Variants in MICALL1 observed in about 807,000 individuals in gnomAD.
MICALL1 encodes the protein MICAL like 1, also known as MICAL-like protein 1.
A neutral mutation model predicts 83.7 loss-of-function variants in MICALL1; 61 were observed. The observed-to-expected ratio is 0.73, with a 90% confidence interval of 0.59 to 0.90. The LOEUF (loss-of-function observed/expected upper bound fraction) is 0.90. Among genes scored for constraint, MICALL1 ranks in the 40% least tolerant of loss-of-function variants. The pLI is 0.00. For missense variants in MICALL1, 1,066 were observed against 1,152.0 expected, an observed-to-expected ratio of 0.93 and a Z score of 1.08; for synonymous variants, 481 against 473.6, an observed-to-expected ratio of 1.02 and a Z score of -0.20.
chr22:37,931,684 G>A, intron 9 of MICALL1, 115 bp from the exon 10 acceptor site: 1 of 1,234,668 alleles, frequency 8.1e-7, no homozygotes, highest in Non-Finnish European at 1.1e-6. Flanking sequence ...TCTTTGCCTG[G>A]GTCCTGCTGG....
intron 13 of MICALL1, among the ~76,000 whole-genome samples, chr22:37,936,109 G>A (rs899892388): frequency 2.0e-5 from 3 of 152,184 alleles, no homozygotes; most frequent in Non-Finnish European, 4.4e-5. Context: ...CTCATCCCTG[G>A]AGCCTGCAGG....
intron 13 of MICALL1, among the ~76,000 whole-genome samples, chr22:37,933,362 G>C (rs1477987015): frequency 6.6e-6 from 1 of 152,142 alleles, no homozygotes; most frequent in East Asian, 1.9e-4. Flanking sequence ...GGACGTCCGA[G>C]GGACCAGGGA....
In MICALL1 at chr22:37,926,044, G is replaced by T; in HGVS notation, c.1465+1G>T. ...CGCGCACCCAGCGCGTCCCCACTGG[G>T]TGAGTGCCTTTCCTGGAGCTCTCCT... On this transcript the variant is annotated splice_donor_variant, in intron 8 of 15. Coordinates refer to ENST00000215957, the MANE Select transcript of MICALL1 (RefSeq NM_033386.4). LOFTEE classifies it high-confidence loss of function. 1.9e-6 allele frequency: 3 copies of T among 1,587,624 alleles called. No individual in the cohort carries two copies. Among genetic ancestry groups the T allele is most frequent in the Non-Finnish European group, 2.6e-6 (3 of 1,164,610 alleles).
At chr22:37,910,515 G>A (rs1203482039) in intron 1 of MICALL1, among the ~76,000 whole-genome samples, 2 of 152,142 alleles carry the variant, frequency 1.3e-5, no homozygotes, top group African/African-American at 2.4e-5. Context: ...TGCTAAGGTC[G>A]CACTCTGAGG....
chr22:37,940,575 A>T, intron 15 of MICALL1, 134 bp from the exon 16 acceptor site: 1 of 1,073,496 alleles, frequency 9.3e-7, no homozygotes, highest in Admixed American at 2.4e-5. Context: ...TGTCCCTCCC[A>T]GGCTCCACAC....
chr22:37,923,944 G>A (rs970817973), intron 6 of MICALL1, among the ~76,000 whole-genome samples: 1 of 152,134 alleles, frequency 6.6e-6, no homozygotes, highest in East Asian at 1.9e-4. Context: ...CATTCTGTGG[G>A]TGCATTCTCC....
intron 9 of MICALL1, among the ~76,000 whole-genome samples, chr22:37,929,735 G>T (rs1045099139): frequency 3.3e-5 from 5 of 152,350 alleles, no homozygotes; most frequent in Middle Eastern, 3.4e-3. Context: ...GTTCATGAGG[G>T]CCCTGTCTTG....
In MICALL1 at chr22:37,932,027, G is replaced by T. The variant is rs1929818568; in HGVS notation, c.2016+94G>T. The T allele has an allele frequency of 2.0e-6, 3 of 1,522,514 alleles. No individual in the cohort carries two copies. Among genetic ancestry groups the T allele is most frequent in the Non-Finnish European group, 1.8e-6 (2 of 1,138,792 alleles). The allele number at this position is 1,522,514 out of a possible 1,614,324, so 94.3% of individuals were successfully genotyped here. ...TTCCCCTGGGACTCTAAGGAGGCTG[G>T]CTGGCTAGGCAGTGGGCCTCAGATG... On this transcript the variant is annotated intron_variant, in intron 10 of 15. Transcript: ENST00000215957. This position sits in a 1 kb window ranked among gnomAD's most constrained non-coding sequence, Gnocchi z 4.4.
chr22:37,906,602 G>A lies in MICALL1; in HGVS notation c.146+34G>A, dbSNP rs768396281. ...GGGGCCCCGGGCGAGCGGGCGGCGC[G>A]GGGCGGGCTGGGGCCGCGACCGCCG... On this transcript the variant is annotated intron_variant, in intron 1 of 15. Coordinates refer to ENST00000215957, the MANE Select transcript of MICALL1 (RefSeq NM_033386.4). This position sits in a 1 kb window ranked among gnomAD's most constrained non-coding sequence, Gnocchi z 4.4. The A allele has an allele frequency of 1.9e-4, 214 of 1,152,670 alleles. No individual in the cohort carries two copies. The African/African-American group carries it at 3.0e-3, about 16-fold the overall frequency. 71.4% of individuals were successfully genotyped at this position (1,152,670 alleles called of 1,614,324 possible).
At chr22:37,915,400 G>A (rs1353934174) in intron 3 of MICALL1, among the ~76,000 whole-genome samples, 2 of 152,130 alleles carry the variant, frequency 1.3e-5, no homozygotes, top group Non-Finnish European at 2.9e-5. Flanking sequence ...AAAACAAAAT[G>A]AAAGTATTTC....
At position 37,930,602 on chromosome 22, in the gene MICALL1, G is replaced by A. The variant is rs571628560; in HGVS notation, c.1882-1197G>A. Among the ~76,000 whole-genome samples, 1 of 152,344 alleles carries A rather than the reference G, an allele frequency of 6.6e-6. No individual in the cohort carries two copies. The highest frequency in any genetic ancestry group is 2.1e-4 in the South Asian group (1 of 4,828). On this transcript the variant is annotated intron_variant, in intron 9 of 15. Coordinates refer to ENST00000215957, the MANE Select transcript of MICALL1 (RefSeq NM_033386.4). This position sits in a 1 kb window ranked among gnomAD's most constrained non-coding sequence, Gnocchi z 4.8. Reference sequence around the variant, plus strand: ...CAGTGACGTCTGTTTCCAATGAGCTGGGAAGAGTGGTTGGGAAATAGTGAC... The same window carrying A: ...CAGTGACGTCTGTTTCCAATGAGCTAGGAAGAGTGGTTGGGAAATAGTGAC...
chr22:37,928,925 C>A (rs1052453110), intron 9 of MICALL1, among the ~76,000 whole-genome samples: 3 of 152,114 alleles, frequency 2.0e-5, no homozygotes, highest in African/African-American at 7.2e-5. Flanking sequence ...GAGTTTGAGA[C>A]CAGCCTGGCC....
rs1010626542 is a variant in MICALL1 at position 37,906,322 on chromosome 22, G to A, written c.-101G>A. 4.8e-5 allele frequency: 43 copies of A among 893,118 alleles called. 1 individual carries two copies. The African/African-American group carries it at 7.8e-4, about 16-fold the overall frequency. 55.3% of individuals were successfully genotyped at this position (893,118 alleles called of 1,614,324 possible). On this transcript the variant is annotated 5_prime_UTR_variant, in exon 1 of 16. Transcript: ENST00000215957. This position sits in a 1 kb window ranked among gnomAD's most constrained non-coding sequence, Gnocchi z 4.4. ...GCCTGCCGGTCGGCGCCCGAGCTCG[G>A]AGCCGCAGCCGCAGCCGGAAACCGG...
chr22:37,921,963 C>G lies in MICALL1; in HGVS notation c.570-9C>G. On this transcript the variant is annotated splice_polypyrimidine_tract_variant and intron_variant, in intron 5 of 15. Coordinates refer to ENST00000215957, the MANE Select transcript of MICALL1 (RefSeq NM_033386.4). ...TGGCTAAGTGAACCCCTGTCCTGTC[C>G]CCTGCCAGGTGTCGGCGGTGCTCCA... 6.4e-7 allele frequency: 1 copy of G among 1,555,110 alleles called. No homozygotes were observed. Among genetic ancestry groups the G allele is most frequent in the Non-Finnish European group, 8.7e-7 (1 of 1,147,692 alleles).
At chr22:37,937,333 G>C in intron 14 of MICALL1, 139 bp downstream of exon 14, 1 of 674,844 alleles carries the variant, frequency 1.5e-6, no homozygotes, top group Non-Finnish European at 2.5e-6. Flanking sequence ...CCTCCTACCA[G>C]CGATCCCAGT....
rs1366414049 is a variant in MICALL1 at position 37,932,690 on chromosome 22, G to A, written c.2143+11G>A. 6 of 1,612,782 alleles carry A rather than the reference G, an allele frequency of 3.7e-6. No individual in the cohort carries two copies. Among genetic ancestry groups the A allele is most frequent in the African/African-American group, 1.3e-5 (1 of 74,930 alleles). The stretch of plus-strand genomic sequence containing the variant: ...GTGGCGGCCTGAATGGTGCGGGAGC[G>A]GCTGGGAGGGCCTGCTGGGTGGGGC... On this transcript the variant is annotated intron_variant, in intron 11 of 15. Transcript: ENST00000215957. This position sits in a 1 kb window ranked among gnomAD's most constrained non-coding sequence, Gnocchi z 4.4.
chr22:37,915,645 C>CCT (rs1555922555), intron 3 of MICALL1, among the ~76,000 whole-genome samples: 4 of 133,148 alleles, frequency 3.0e-5, no homozygotes, highest in Non-Finnish European at 6.4e-5. Flanking sequence ...GATTAGTATT[C>CCT]TTTTTTTTTT....
intron 15 of MICALL1, among the ~76,000 whole-genome samples, chr22:37,938,810 G>C (rs773671111): frequency 6.6e-6 from 1 of 151,806 alleles, no homozygotes; most frequent in Non-Finnish European, 1.5e-5. Context: ...ATGGGGTTTC[G>C]CCATGTTGGC....
At chr22:37,938,128 G>T (rs1601838965) in intron 15 of MICALL1, among the ~76,000 whole-genome samples, 1 of 152,226 alleles carries the variant, frequency 6.6e-6, no homozygotes. Context: ...GAGTCCGTGG[G>T]CCCAAATAGC....
Sources: gnomAD v4.1 joint callset for allele counts (sites outside exome capture counted in the v4.1 genomes callset) on GRCh38, gnomAD v4.1.1 for gene constraint, Gnocchi (gnomAD v3.1) non-coding constraint, MANE v1.5 for transcripts, NCBI Gene and HGNC (gene_info 2026-07-23, HGNC 2026-07-21) for gene names.